The following PCCA variants were observed in gnomAD, a reference collection of about 807,000 sequenced individuals.
The protein encoded by PCCA is propionyl-CoA carboxylase subunit alpha, also known as propionyl-CoA carboxylase alpha chain, mitochondrial.
A neutral mutation model predicts 101.3 loss-of-function variants in PCCA; 74 were observed. The ratio of observed to expected loss-of-function variants is 0.73; its 90% confidence interval spans 0.61 to 0.89. PCCA has a LOEUF of 0.89. PCCA is among the 40% of genes least tolerant of loss of function. PCCA has a pLI of 0.00. For missense variants in PCCA, 891 were observed against 907.0 expected, an observed-to-expected ratio of 0.98 and a Z score of 0.23; for synonymous variants, 294 against 313.6, an observed-to-expected ratio of 0.94 and a Z score of 0.66.
At chr13:100,353,023 C>G (rs1294391717) in intron 18 of PCCA, among the ~76,000 whole-genome samples, 3 of 152,084 alleles carry the variant, frequency 2.0e-5, no homozygotes, top group African/African-American at 7.2e-5. Context: ...AAATATTGTT[C>G]AAGACAAAAT....
chr13:100,453,174 C>A (rs2081456747), intron 21 of PCCA, among the ~76,000 whole-genome samples: 2 of 151,844 alleles, frequency 1.3e-5, no homozygotes, highest in Non-Finnish European at 2.9e-5. Context: ...AGAGTGAGAC[C>A]CTGTACCCTG....
intron 21 of PCCA, among the ~76,000 whole-genome samples, chr13:100,504,936 A>G (rs567405702): frequency 1.2e-3 from 188 of 151,542 alleles, no homozygotes; most frequent in African/African-American, 4.2e-3. Flanking sequence ...CTCTGTCTCA[A>G]AAAAAAAAGA....
intron 19 of PCCA, among the ~76,000 whole-genome samples, chr13:100,388,057 G>A (rs1243903975): frequency 6.6e-6 from 1 of 152,148 alleles, no homozygotes; most frequent in Non-Finnish European, 1.5e-5. Flanking sequence ...AAAACTTTCA[G>A]CGTTGATACC....
intron 4 of PCCA, among the ~76,000 whole-genome samples, chr13:100,146,670 A>C (rs1020756795): frequency 6.6e-6 from 1 of 152,152 alleles, no homozygotes; most frequent in African/African-American, 2.4e-5. Flanking sequence ...GAAAATGCGA[A>C]TTAAAAAAAT....
chr13:100,213,101 G>T (rs1001078796), intron 7 of PCCA, among the ~76,000 whole-genome samples: 1 of 152,164 alleles, frequency 6.6e-6, no homozygotes, highest in Admixed American at 6.6e-5. Context: ...GTACTCCATT[G>T]TATATATGTA....
chr13:100,393,121 T>C (rs1367915130), intron 19 of PCCA, among the ~76,000 whole-genome samples: 2 of 152,288 alleles, frequency 1.3e-5, no homozygotes, highest in East Asian at 3.9e-4. Flanking sequence ...GTTGAAGAAT[T>C]GAATTTCTCC....
intron 18 of PCCA, among the ~76,000 whole-genome samples, chr13:100,342,680 G>A (rs1254080744): frequency 6.6e-6 from 1 of 150,442 alleles, no homozygotes; most frequent in Admixed American, 6.7e-5. Flanking sequence ...TGCTACCTGC[G>A]GTGTGATTTC....
intron 22 of PCCA, 44 bp from the exon 23 acceptor site, chr13:100,527,631 A>C (rs777760066): frequency 1.1e-5 from 15 of 1,402,512 alleles, no homozygotes; most frequent in African/African-American, 2.8e-5. Flanking sequence ...TGTTAATGCA[A>C]AATTAGAATG....
intron 10 of PCCA, 148 bp from the exon 11 acceptor site, chr13:100,268,541 C>T (rs757044397): frequency 4.1e-6 from 3 of 740,342 alleles, no homozygotes; most frequent in Non-Finnish European, 7.5e-6. Flanking sequence ...CCTTTGTTAA[C>T]ATGAATCAAA....
At chr13:100,133,335 A>G (rs1221202844) in intron 4 of PCCA, among the ~76,000 whole-genome samples, 1 of 152,056 alleles carries the variant, frequency 6.6e-6, no homozygotes, top group Admixed American at 6.6e-5. Flanking sequence ...AGTTTCTTCC[A>G]GTTGGTAGGT....
intron 17 of PCCA, among the ~76,000 whole-genome samples, chr13:100,333,728 G>A (rs937541774): frequency 1.3e-5 from 2 of 152,102 alleles, no homozygotes; most frequent in Non-Finnish European, 2.9e-5. Context: ...AAGCCCCATC[G>A]AAAGAAATTG....
At chr13:100,211,763 C>G (rs1262632021) in intron 7 of PCCA, among the ~76,000 whole-genome samples, 1 of 151,918 alleles carries the variant, frequency 6.6e-6, no homozygotes, top group Non-Finnish European at 1.5e-5. Flanking sequence ...TTTTTTGAGA[C>G]AAGGTCTTGT....
chr13:100,194,543 G>A (rs1423213093), intron 6 of PCCA, among the ~76,000 whole-genome samples: 2 of 151,998 alleles, frequency 1.3e-5, no homozygotes, highest in Non-Finnish European at 2.9e-5. Context: ...TCAGCCTCCC[G>A]AGTAGCTGGG....
intron 21 of PCCA, among the ~76,000 whole-genome samples, chr13:100,497,034 G>T (rs1436917062): frequency 6.6e-6 from 1 of 152,196 alleles, no homozygotes; most frequent in Non-Finnish European, 1.5e-5. Context: ...TGGAAGCAAA[G>T]GCTGTGCTCC....
At chr13:100,488,013 G>A (rs1304299365) in intron 21 of PCCA, among the ~76,000 whole-genome samples, 1 of 151,954 alleles carries the variant, frequency 6.6e-6, no homozygotes, top group Non-Finnish European at 1.5e-5. Context: ...TACAGGTATG[G>A]CCACTGTGCC....
intron 20 of PCCA, among the ~76,000 whole-genome samples, chr13:100,437,705 G>A (rs191056461): frequency 1.4e-4 from 21 of 152,146 alleles, no homozygotes; most frequent in East Asian, 1.4e-3. Context: ...GACGGAGTCC[G>A]TTGCCCAGGC....
intron 11 of PCCA, 32 bp from the exon 12 acceptor site, chr13:100,273,163 GA>G: frequency 6.3e-7 from 1 of 1,585,104 alleles, no homozygotes; most frequent in African/African-American, 1.3e-5. Context: ...ATTTTTGTCC[GA>G]AATGTAGACA....
chr13:100,332,498 G>A (rs1017302155), intron 17 of PCCA, among the ~76,000 whole-genome samples: 1 of 151,822 alleles, frequency 6.6e-6, no homozygotes, highest in Admixed American at 6.6e-5. Flanking sequence ...ATGCATGTAT[G>A]GGTATTTATA....
chr13:100,227,772 G>C (rs551966746), intron 7 of PCCA, among the ~76,000 whole-genome samples: 1 of 152,228 alleles, frequency 6.6e-6, no homozygotes, highest in South Asian at 2.1e-4. Flanking sequence ...TAGAAGAATA[G>C]AATAAAATGA....
Sources: gnomAD v4.1 joint callset for allele counts (sites outside exome capture counted in the v4.1 genomes callset) on GRCh38, gnomAD v4.1.1 for gene constraint, MANE v1.5 for transcripts, NCBI Gene and HGNC (gene_info 2026-07-23, HGNC 2026-07-21) for gene names.